Variants in CDHR4 observed in about 807,000 individuals in gnomAD.
CDHR4 encodes cadherin related family member 4.
In CDHR4, 89 loss-of-function variants were observed where a neutral mutation model predicts 88.4. The observed-to-expected ratio is 1.01, with a 90% CI of 0.85 to 1.20. The LOEUF is 1.20. CDHR4 is among the 50% of genes most tolerant of loss of function. The probability of loss-of-function intolerance (pLI) is 0.00; values close to 1 mark genes in which losing one functional copy is unlikely to be tolerated. For missense variants in CDHR4, 914 were observed against 1,007.2 expected, an observed-to-expected ratio of 0.91 and a Z score of 1.25; for synonymous variants, 368 against 399.2, an observed-to-expected ratio of 0.92 and a Z score of 0.93.
rs1387866385 is a variant in CDHR4 at position 49,794,643 on chromosome 3, A to T, written c.1244T>A (p.Ile415Asn). Residue 415 changes from isoleucine to asparagine, a missense_variant, in exon 10 of 19, where the codon ATC (isoleucine) becomes AAC (asparagine). Ile to Asn is a moderately radical substitution (Grantham distance 149). Coordinates refer to ENST00000412678, the MANE Select transcript of CDHR4 (RefSeq NM_001007540.4). ...GGGCTGGCCACCATCGAGCACCAGG[A>T]TGGAGGCTGCATGCTGGAAGCAGGC... ...PGACFQHAAS[I>N]LVLDGGQPQM... is the part of the protein sequence containing the mutation. 3.2e-6 allele frequency: 5 copies of T among 1,551,060 alleles called. No individual in the cohort carries two copies. The African/African-American group carries it at 5.5e-5, about 17-fold the overall frequency.
rs535014840 is a variant in CDHR4 at position 49,794,771 on chromosome 3, G to A, written c.1186-70C>T. 48 of 1,442,782 alleles carry A rather than the reference G, an allele frequency of 3.3e-5. No homozygotes were observed. In the African/African-American group the frequency reaches 6.4e-4, roughly 19 times the overall value. The allele number at this position is 1,442,782 out of a possible 1,614,324, so 89.4% of individuals were successfully genotyped here. A position where few individuals can be genotyped will look rare whatever the true frequency, so the allele number is the denominator to read the frequency against. ...GAGCCCTGAGCCACACGGGGCTGCTGTAGGCCAGGGCATCCACAAATATCT... is the reference window on the plus strand; with the variant it reads ...GAGCCCTGAGCCACACGGGGCTGCTATAGGCCAGGGCATCCACAAATATCT... On this transcript the variant is annotated intron_variant, in intron 9 of 18. Transcript: ENST00000412678.
Position 49,795,523 on chromosome 3 carries a change from C to T in CDHR4, c.847+105G>A. On this transcript the variant is annotated intron_variant, in intron 7 of 18. Coordinates refer to ENST00000412678, the MANE Select transcript of CDHR4 (RefSeq NM_001007540.4). The surrounding 1 kb of genome is among the most constrained non-coding windows in gnomAD (Gnocchi z 5.4). ...AGCCTGGCCCTCCTGCTGCCTTCTC[C>T]AAGACCAGGCCCCCAAACAGGAAGG... 6.6e-7 allele frequency: 1 copy of T among 1,507,174 alleles called. No individual in the cohort carries two copies. The highest frequency in any genetic ancestry group is 8.9e-7 in the Non-Finnish European group (1 of 1,120,864). 93.4% of individuals were successfully genotyped at this position (1,507,174 alleles called of 1,614,324 possible).
chr3:49,794,755 G>C lies in CDHR4; in HGVS notation c.1186-54C>G, dbSNP rs2081241897. 1.4e-5 allele frequency: 20 copies of C among 1,479,032 alleles called. No individual in the cohort carries two copies. The South Asian group carries it at 2.5e-4, about 19-fold the overall frequency. 91.6% of individuals were successfully genotyped at this position (1,479,032 alleles called of 1,614,324 possible). A position where few individuals can be genotyped will look rare whatever the true frequency, so the allele number is the denominator to read the frequency against. On this transcript the variant is annotated intron_variant, in intron 9 of 18. Transcript: ENST00000412678. ...CAGCCAGGGCCTGAGAGAGCCCTGA[G>C]CCACACGGGGCTGCTGTAGGCCAGG...
At position 49,796,989 on chromosome 3, in the gene CDHR4, G is replaced by C; in HGVS notation, c.539C>G (p.Pro180Arg). Residue 180 changes from proline (P) to arginine (R), a missense_variant, in exon 5 of 19, where the codon CCT (proline) becomes CGT (arginine). Transcript: ENST00000412678. The part of the protein sequence containing the change: ...SAQDLPHFPG[P>R]FSINEQGWLQ... ...CCAACCTTGCTCATTGATGGAGAAA[G>C]GTCCAGGGAAGTGTGGCAGGTCCTG... 6.4e-7 allele frequency: 1 copy of C among 1,551,712 alleles called. No individual in the cohort carries two copies. The highest frequency in any genetic ancestry group is 1.2e-5 in the South Asian group (1 of 84,070).
chr3:49,793,312 C>T lies in CDHR4; in HGVS notation c.1624-1G>A. Reference sequence around the variant, plus strand: ...ACTCGGGGGCATGGTCATTCACATCCTGCAGAAAGGAACCAGGTTAGGAGT... The same window carrying T: ...ACTCGGGGGCATGGTCATTCACATCTTGCAGAAAGGAACCAGGTTAGGAGT... On this transcript the variant is annotated splice_acceptor_variant, in intron 12 of 18. Transcript: ENST00000412678. LOFTEE classifies it high-confidence loss of function. 4 of 1,551,326 alleles carry T rather than the reference C, an allele frequency of 2.6e-6. No homozygotes were observed. Among genetic ancestry groups the T allele is most frequent in the Non-Finnish European group, 3.5e-6 (4 of 1,146,926 alleles).
rs778276997 is a variant in CDHR4, at chr3:49,799,402, CAG to C, written c.83_84del (p.Ser28Ter). The stretch of plus-strand genomic sequence containing the variant: ...AGGACTGTGCCAGGGCCCTGGCTCT[CAG>C]AGACATTTATAAAGCAGGGCAGGCT... The part of the protein sequence containing the change: ...LCSLPCFINV[S>X]ESQGPGTVLQ... On this transcript the variant is annotated frameshift_variant, in exon 2 of 19. Coordinates refer to ENST00000412678, the MANE Select transcript of CDHR4 (RefSeq NM_001007540.4). LOFTEE classifies it high-confidence loss of function. The C allele has an allele frequency of 1.2e-6, 2 of 1,607,908 alleles. No homozygotes were observed. The highest frequency in any genetic ancestry group is 1.7e-6 in the Non-Finnish European group (2 of 1,177,340).
At position 49,799,133 on chromosome 3, in the gene CDHR4, C is replaced by G; in HGVS notation, c.264G>C (p.Gln88His). The change falls in exon 3 of 19, where the codon CAG becomes CAC. Residue 88 changes from glutamine (Q) to histidine (H), a missense_variant. Gln to His is a conservative substitution (Grantham distance 24). Coordinates refer to ENST00000412678, the MANE Select transcript of CDHR4 (RefSeq NM_001007540.4). ...VGKLTLSSSA[Q>H]LDALMVNHYK... ...AGTGGTTCACCATCAGGGCATCCAA[C>G]TGAGCAGAGCTGCTCAAGGTCAACT... The G allele has an allele frequency of 6.3e-7, 1 of 1,575,622 alleles. No homozygotes were observed.
chr3:49,799,504 C>T, intron 1 of CDHR4, 67 bp from the exon 2 acceptor site: 1 of 1,476,544 alleles, frequency 6.8e-7, no homozygotes, highest in Non-Finnish European at 9.1e-7. Flanking sequence ...CTAGCATAGT[C>T]CTGTCCTTTT....
At chr3:49,794,126 T>A in intron 10 of CDHR4, 120 bp from the exon 11 acceptor site, 13 of 1,006,666 alleles carry the variant, frequency 1.3e-5, no homozygotes, top group Non-Finnish European at 1.9e-5. Flanking sequence ...CTGCTGGGCG[T>A]GGTGGCTCAC....
Position 49,795,289 on chromosome 3 carries a change from T to C in CDHR4, c.938A>G (p.Gln313Arg), listed in dbSNP as rs1472793699. Residue 313 changes from glutamine (Q) to arginine (R), a missense_variant, in exon 8 of 19, where the codon CAG becomes CGG. Transcript: ENST00000412678. The surrounding 1 kb of genome is among the most constrained non-coding windows in gnomAD (Gnocchi z 5.4). The part of the protein sequence containing the change: ...VSRLQVKAFE[Q>R]GQLWASAKLN... The stretch of plus-strand genomic sequence containing the variant: ...CTTGGCACTGGCCCACAGCTGGCCC[T>C]GCTCAAAGGCCTTCACCTGCAGCCT... 7 of 1,551,688 alleles carry C rather than the reference T, an allele frequency of 4.5e-6. No individual in the cohort carries two copies. Among genetic ancestry groups the C allele is most frequent in the East Asian group, 2.4e-5 (1 of 40,912 alleles).
At chr3:49,802,157 C>T, upstream of CDHR4, among the ~76,000 whole-genome samples, 1 of 151,122 alleles carries the variant, frequency 6.6e-6, no homozygotes, top group South Asian at 2.1e-4. Flanking sequence ...TTCTCCTTCT[C>T]CTCCTCCTGC....
rs1163983239 is a variant in CDHR4, at chr3:49,793,156, C to T, written c.1774+5G>A. The T allele has an allele frequency of 3.9e-6, 6 of 1,551,560 alleles. No homozygotes were observed. The Admixed American group carries it at 9.8e-5, about 25-fold the overall frequency. On this transcript the variant is annotated splice_donor_5th_base_variant and intron_variant, in intron 13 of 18. Transcript: ENST00000412678. ...TCACAACCTGGTGGTGCCCATGTCC[C>T]CTACCTCCCACGATGCTATAGGAGT...
intron 18 of CDHR4, among the ~76,000 whole-genome samples, chr3:49,791,178 G>T (rs866258651): frequency 1.3e-5 from 2 of 152,190 alleles, no homozygotes; most frequent in East Asian, 3.8e-4. Flanking sequence ...CTATCTGGAG[G>T]CCTCTCCCCT....
In CDHR4 at chr3:49,794,015, C is replaced by T. The variant is rs961654355; in HGVS notation, c.1280-9G>A. Reference sequence around the variant, plus strand: ...CAGTACCGGCACCTCAGCTGGAAGTCATTTGGCAGTCAAGGAGCTGGCCTG... The same window carrying T: ...CAGTACCGGCACCTCAGCTGGAAGTTATTTGGCAGTCAAGGAGCTGGCCTG... On this transcript the variant is annotated splice_polypyrimidine_tract_variant and intron_variant, in intron 10 of 18. Transcript: ENST00000412678. 10 of 1,550,786 alleles carry T rather than the reference C, an allele frequency of 6.4e-6. No homozygotes were observed. In the African/African-American group the frequency reaches 1.1e-4, roughly 17 times the overall value.
chr3:49,796,059 C>A lies in CDHR4; in HGVS notation c.607-13G>T, dbSNP rs748045659. ...GCAGCTGGAAGACCTGTGGTGCACC[C>A]AGAACAGAAAAGGAGCCAGATTGTG... is the stretch of plus-strand genomic sequence containing the variant. On this transcript the variant is annotated splice_polypyrimidine_tract_variant and intron_variant, in intron 5 of 18. Transcript: ENST00000412678. The A allele has an allele frequency of 6.7e-7, 1 of 1,496,848 alleles. No homozygotes were observed. Among genetic ancestry groups the A allele is most frequent in the South Asian group, 1.4e-5 (1 of 73,658 alleles). 92.7% of individuals were successfully genotyped at this position (1,496,848 alleles called of 1,614,324 possible).
At position 49,790,857 on chromosome 3, in the gene CDHR4, T is replaced by A; in HGVS notation, c.2342A>T (p.His781Leu). Reference protein sequence around the residue: ...RTGRDYLFNTHTGARRWL With the variant: ...RTGRDYLFNTLTGARRWL The stretch of plus-strand genomic sequence containing the variant: ...TCAGAGCCAGCGCCGGGCTCCTGTG[T>A]GTGTGTTAAACAGGTAGTCTCTTCC... The change falls in exon 19 of 19, where the codon CAC (histidine) becomes CTC (leucine). Residue 781 changes from histidine to leucine, a missense_variant. His to Leu is a moderately conservative substitution (Grantham distance 99, BLOSUM62 -3). Transcript: ENST00000412678. 3 of 1,551,442 alleles carry A rather than the reference T, an allele frequency of 1.9e-6. No individual in the cohort carries two copies. The highest frequency in any genetic ancestry group is 2.6e-6 in the Non-Finnish European group (3 of 1,146,860).
intron 15 of CDHR4, 82 bp from the exon 16 acceptor site, chr3:49,792,041 T>G: frequency 7.3e-7 from 1 of 1,377,126 alleles, no homozygotes; most frequent in East Asian, 2.5e-5. Context: ...ACCCATTCCT[T>G]TATATTGGGA....
intron 5 of CDHR4, among the ~76,000 whole-genome samples, chr3:49,796,326 G>A (rs1441656582): frequency 1.3e-5 from 2 of 152,050 alleles, no homozygotes; most frequent in Middle Eastern, 3.4e-3. Context: ...ATTGCTGAAA[G>A]CCACCTCCAG....
Position 49,793,048 on chromosome 3 carries a change from G to C in CDHR4, c.1801C>G (p.Gln601Glu), listed in dbSNP as rs2081205995. The change falls in exon 14 of 19, where the codon CAA becomes GAA. Residue 601 changes from glutamine to glutamate, a missense_variant. Coordinates refer to ENST00000412678, the MANE Select transcript of CDHR4 (RefSeq NM_001007540.4). ...GGNSQNRFIL[Q>E]GAILVHSDLV... ...TCACTGTGCACCAGGATGGCCCCTTGCAGGATGAATCGGTTCTGGCTATTC... is the reference window on the plus strand; with the variant it reads ...TCACTGTGCACCAGGATGGCCCCTTCCAGGATGAATCGGTTCTGGCTATTC... The C allele has an allele frequency of 3.9e-6, 6 of 1,551,446 alleles. No individual in the cohort carries two copies. The highest frequency in any genetic ancestry group is 2.7e-5 in the African/African-American group (2 of 73,168).
Sources: allele counts gnomAD v4.1 joint callset (sites outside exome capture counted in the v4.1 genomes callset), GRCh38; gene constraint gnomAD v4.1.1; non-coding constraint Gnocchi (gnomAD v3.1); transcripts MANE v1.5; gene names NCBI Gene and HGNC (gene_info 2026-07-23, HGNC 2026-07-21).